LRRC37A2: variants seen among roughly 807,000 people sequenced by gnomAD.
LRRC37A2 encodes the protein leucine rich repeat containing 37 member A2, also known as leucine-rich repeat-containing protein 37A2.
LRRC37A2 carries 9 observed loss-of-function variants against 68.8 expected under a neutral mutation model. The observed-to-expected ratio is 0.13, with a 90% confidence interval of 0.08 to 0.23. The LOEUF (loss-of-function observed/expected upper bound fraction) is 0.23. Ranked by LOEUF, LRRC37A2 falls within the 10% of genes least tolerant of loss-of-function variation. The pLI, the probability that LRRC37A2 is intolerant of heterozygous loss-of-function variation, is 1.00. For synonymous variants in LRRC37A2, 63 were observed against 367.6 expected (o/e 0.17, Z 9.48); for missense variants, 168 against 950.4 (o/e 0.18, Z 10.82).
the LRRC37A2 span, among the ~76,000 whole-genome samples, chr17:46,486,845 TTTG>T: frequency 1.7e-5 from 1 of 59,366 alleles, no homozygotes. Flanking sequence ...TATTTAGTTT[TTTG>T]TTGTTCAATT....
chr17:46,713,558 T>G, the LRRC37A2 span, among the ~76,000 whole-genome samples: 6 of 152,194 alleles, frequency 3.9e-5, no homozygotes, highest in African/African-American at 1.4e-4. Context: ...ATGCGTTCTT[T>G]TAAGAAGCAA....
At chr17:46,794,227 C>A in the LRRC37A2 span, among the ~76,000 whole-genome samples, 26 of 152,140 alleles carry the variant, frequency 1.7e-4, 1 homozygote, top group Non-Finnish European at 3.1e-4. Context: ...AGAGGATGGG[C>A]ATTTCTGGGA....
At chr17:46,993,947 GCTAT>G in the LRRC37A2 span, among the ~76,000 whole-genome samples, 2,867 of 152,284 alleles carry the variant, frequency 0.019, 76 homozygotes, top group African/African-American at 0.06. Context: ...TGCCTTCTTA[GCTAT>G]GTTGGTTCCA....
the LRRC37A2 span, among the ~76,000 whole-genome samples, chr17:46,981,061 G>T: frequency 2.0e-5 from 3 of 152,260 alleles, no homozygotes; most frequent in South Asian, 6.2e-4. Context: ...TGCTTTGATT[G>T]TTGCAGGAGA....
the LRRC37A2 span, among the ~76,000 whole-genome samples, chr17:47,000,004 AAAAT>A: frequency 1.8e-3 from 19 of 10,458 alleles, no homozygotes; most frequent in South Asian, 0.018. Flanking sequence ...ATCTCAAAAT[AAAAT>A]AAAATAAAAT....
the LRRC37A2 span, among the ~76,000 whole-genome samples, chr17:46,915,236 C>A: frequency 2.6e-4 from 40 of 152,190 alleles, no homozygotes; most frequent in African/African-American, 9.6e-4. Flanking sequence ...ATGTATGATG[C>A]CTTGGTGGGA....
At chr17:46,986,513 C>G in the LRRC37A2 span, among the ~76,000 whole-genome samples, 1 of 152,174 alleles carries the variant, frequency 6.6e-6, no homozygotes, top group South Asian at 2.1e-4. Flanking sequence ...AAAAAACAAG[C>G]CTGGAGGAAG....
the LRRC37A2 span, among the ~76,000 whole-genome samples, chr17:46,955,329 C>T: frequency 0.39 from 59,583 of 151,058 alleles, 11,928 homozygotes; most frequent in South Asian, 0.47. Context: ...TATTGATTTT[C>T]GTATGTTGAA....
chr17:46,894,986 G>A, the LRRC37A2 span, among the ~76,000 whole-genome samples: 3 of 152,182 alleles, frequency 2.0e-5, no homozygotes, highest in African/African-American at 4.8e-5. Flanking sequence ...TCGCCTGTCC[G>A]CTCTGGGGCA....
chr17:46,981,901 T>G, the LRRC37A2 span, among the ~76,000 whole-genome samples: 321 of 152,212 alleles, frequency 2.1e-3, 1 homozygote, highest in Non-Finnish European at 2.6e-3. Flanking sequence ...AGGGTCTCAC[T>G]ATGTTGCCCA....
the LRRC37A2 span, among the ~76,000 whole-genome samples, chr17:46,790,947 C>G: frequency 4.6e-5 from 7 of 152,204 alleles, no homozygotes; most frequent in African/African-American, 1.7e-4. Context: ...CATCTGGAAC[C>G]CCCTGCCCAG....
At chr17:46,609,488 A>C in the LRRC37A2 span, among the ~76,000 whole-genome samples, 4 of 151,808 alleles carry the variant, frequency 2.6e-5, no homozygotes, top group African/African-American at 9.7e-5. Flanking sequence ...TGTTCTATGG[A>C]AAAGAAGTAG....
chr17:46,916,633 T>A, the LRRC37A2 span: 3 of 152,190 alleles, frequency 2.0e-5, no homozygotes, highest in Non-Finnish European at 4.4e-5. Flanking sequence ...TATTTGTACG[T>A]AGAGTGAAGA....
chr17:47,033,317 T>C, the LRRC37A2 span: 3 of 699,414 alleles, frequency 4.3e-6, no homozygotes, highest in Admixed American at 4.0e-5. Context: ...AAAAAGCATT[T>C]ACGTGATGCA....
the LRRC37A2 span, among the ~76,000 whole-genome samples, chr17:46,889,193 G>A: frequency 6.6e-6 from 1 of 152,090 alleles, no homozygotes; most frequent in African/African-American, 2.4e-5. Context: ...ATTTCCAGGG[G>A]GGCCAGATGG....
chr17:46,866,495 G>A, the LRRC37A2 span, among the ~76,000 whole-genome samples: 3 of 152,040 alleles, frequency 2.0e-5, no homozygotes, highest in East Asian at 5.8e-4. Context: ...TGTGTGTAGG[G>A]GGATCAGTGA....
At chr17:46,768,668 G>T in the LRRC37A2 span, 3 of 1,614,154 alleles carry the variant, frequency 1.9e-6, no homozygotes, top group Non-Finnish European at 2.5e-6. The surrounding 1 kb of genome is among the most constrained non-coding windows in gnomAD (Gnocchi z 5.0). Context: ...TCTCCGAGGC[G>T]CTGTCATACT....
the LRRC37A2 span, among the ~76,000 whole-genome samples, chr17:46,821,758 A>T: frequency 6.6e-6 from 1 of 152,110 alleles, no homozygotes; most frequent in Non-Finnish European, 1.5e-5. Context: ...CCCAGTCCCA[A>T]CCCAACCCCT....
the LRRC37A2 span, among the ~76,000 whole-genome samples, chr17:46,821,594 A>C: frequency 5.2e-3 from 788 of 152,322 alleles, 9 homozygotes; most frequent in African/African-American, 0.018. Flanking sequence ...CAGCCGGTGG[A>C]CCAGGAGGCC....
Sources: allele counts gnomAD v4.1 joint callset (sites outside exome capture counted in the v4.1 genomes callset), GRCh38; gene constraint gnomAD v4.1.1; non-coding constraint Gnocchi (gnomAD v3.1); transcripts MANE v1.5; gene names NCBI Gene and HGNC (gene_info 2026-07-23, HGNC 2026-07-21).